Variants in ADAMTS17 observed in about 807,000 individuals in gnomAD.
The protein encoded by ADAMTS17 is ADAM metallopeptidase with thrombospondin type 1 motif 17.
Under a neutral mutation model 141.5 loss-of-function variants are expected in ADAMTS17, and 113 were observed. The observed-to-expected ratio is 0.80, with a 90% CI of 0.69 to 0.93. The LOEUF is 0.93. Ranked by LOEUF, ADAMTS17 falls within the 40% of genes least tolerant of loss-of-function variation. ADAMTS17 has a pLI of 0.00. For missense variants in ADAMTS17, 1,659 were observed against 1,517.9 expected, an observed-to-expected ratio of 1.09 and a Z score of -1.54; for synonymous variants, 768 against 630.6, an observed-to-expected ratio of 1.22 and a Z score of -3.27.
chr15:99,977,370 A>T lies in ADAMTS17; in HGVS notation c.2950-1148T>A, dbSNP rs1567631993. Among the ~76,000 whole-genome samples, 31 of 10,866 alleles carry T rather than the reference A, an allele frequency of 2.9e-3. 3 individuals carry two copies. Among genetic ancestry groups the T allele is most frequent in the African/African-American group, 3.5e-3 (7 of 2,026 alleles). The allele number at this position is 10,866 out of a possible 152,430, so 7.1% of individuals were successfully genotyped here. On this transcript the variant is annotated intron_variant, in intron 20 of 21. Coordinates refer to ENST00000268070, the MANE Select transcript of ADAMTS17 (RefSeq NM_139057.4). The stretch of plus-strand genomic sequence containing the variant: ...TCTTCATATATATATATATATATAT[A>T]TATATATATATATATATATATATAT...
At chr15:100,024,244 C>T (rs1200419066) in intron 18 of ADAMTS17, among the ~76,000 whole-genome samples, 1 of 152,184 alleles carries the variant, frequency 6.6e-6, no homozygotes, top group Non-Finnish European at 1.5e-5. Flanking sequence ...AAGCACATGT[C>T]ACTGTAACTG....
chr15:100,228,559 AG>A (rs1280289479), intron 7 of ADAMTS17, among the ~76,000 whole-genome samples: 13 of 152,210 alleles, frequency 8.5e-5, no homozygotes, highest in Admixed American at 2.0e-4. Flanking sequence ...GAGAGTGAGC[AG>A]GTACATTTAG....
At chr15:100,190,771 C>G (rs2040886900) in intron 8 of ADAMTS17, among the ~76,000 whole-genome samples, 1 of 152,206 alleles carries the variant, frequency 6.6e-6, no homozygotes, top group Non-Finnish European at 1.5e-5. Flanking sequence ...GCCACCTGAG[C>G]ACGAAGGAAA....
At chr15:100,245,604 C>G (rs192099043) in intron 7 of ADAMTS17, among the ~76,000 whole-genome samples, 10 of 152,334 alleles carry the variant, frequency 6.6e-5, no homozygotes, top group Admixed American at 6.5e-4. Context: ...AGACACAACC[C>G]TGGCAGGAAG....
chr15:100,130,404 C>G (rs1228869357), intron 12 of ADAMTS17, among the ~76,000 whole-genome samples: 2 of 152,020 alleles, frequency 1.3e-5, no homozygotes, highest in Non-Finnish European at 2.9e-5. Context: ...GACTAAACAC[C>G]TATGTGCCCC....
At chr15:99,977,999 G>A (rs1488758482) in intron 20 of ADAMTS17, among the ~76,000 whole-genome samples, 1 of 152,208 alleles carries the variant, frequency 6.6e-6, no homozygotes, top group Non-Finnish European at 1.5e-5. Context: ...CACCTGGGGT[G>A]GAGAGAGGGG....
At chr15:100,097,650 T>C (rs1213639763) in intron 14 of ADAMTS17, among the ~76,000 whole-genome samples, 1 of 152,172 alleles carries the variant, frequency 6.6e-6, no homozygotes, top group Non-Finnish European at 1.5e-5. Context: ...ATCGGCCTCA[T>C]GGGGAGGGCT....
chr15:100,044,055 T>A (rs1246215879), intron 18 of ADAMTS17, among the ~76,000 whole-genome samples: 3 of 152,230 alleles, frequency 2.0e-5, no homozygotes, highest in Non-Finnish European at 2.9e-5. Flanking sequence ...CATGGTTCTC[T>A]CTTAGAAGAT....
rs545802614 is a variant in ADAMTS17 at position 100,050,784 on chromosome 15, T to C, written c.2455+788A>G. Among the ~76,000 whole-genome samples the C allele has an allele frequency of 1.9e-4, 29 of 152,296 alleles. No individual in the cohort carries two copies. In the South Asian group the frequency reaches 5.8e-3, roughly 30 times the overall value. ...AGGTCAACCTTCTGTCCCAACTCTT[T>C]GTCCACTAAAATCCACCCACCCTGT... On this transcript the variant is annotated intron_variant, in intron 17 of 21. Coordinates refer to ENST00000268070, the MANE Select transcript of ADAMTS17 (RefSeq NM_139057.4).
At chr15:100,218,458 G>A (rs943998942) in intron 7 of ADAMTS17, among the ~76,000 whole-genome samples, 5 of 152,186 alleles carry the variant, frequency 3.3e-5, no homozygotes, top group Non-Finnish European at 7.3e-5. Context: ...AGAAATATGT[G>A]TGGTCAATAA....
chr15:100,116,958 C>G lies in ADAMTS17; in HGVS notation c.1777G>C (p.Glu593Gln), dbSNP rs202233487. The G allele has an allele frequency of 1.2e-6, 2 of 1,613,818 alleles. No homozygotes were observed. The highest frequency in any genetic ancestry group is 8.5e-7 in the Non-Finnish European group (1 of 1,180,000). Residue 593 changes from glutamate (E) to glutamine (Q), a missense_variant, in exon 13 of 22, where the codon GAG becomes CAG. By Grantham distance (29) the Glu-to-Gln change is conservative. Coordinates refer to ENST00000268070, the MANE Select transcript of ADAMTS17 (RefSeq NM_139057.4). Reference sequence around the variant, plus strand: ...AGACCCTTGGGGCAGGGCAGGTTCTCGCAGACCGCATGTTCTACACTGGCA... The same window carrying G: ...AGACCCTTGGGGCAGGGCAGGTTCTGGCAGACCGCATGTTCTACACTGGCA... ...PGASVEHAVC[E>Q]NLPCPKGLPS...
At chr15:100,108,516 G>A (rs2036544907) in intron 14 of ADAMTS17, among the ~76,000 whole-genome samples, 1 of 152,118 alleles carries the variant, frequency 6.6e-6, no homozygotes, top group African/African-American at 2.4e-5. Flanking sequence ...GTTCTAACCA[G>A]TCATGGCCAT....
At chr15:100,207,526 C>T (rs1021403884) in intron 7 of ADAMTS17, among the ~76,000 whole-genome samples, 1 of 152,196 alleles carries the variant, frequency 6.6e-6, no homozygotes, top group Non-Finnish European at 1.5e-5. Flanking sequence ...ACTGCAGCCA[C>T]CTAATGCGCC....
At chr15:100,154,508 C>T (rs1269976909) in intron 9 of ADAMTS17, among the ~76,000 whole-genome samples, 1 of 152,152 alleles carries the variant, frequency 6.6e-6, no homozygotes, top group Admixed American at 6.5e-5. Context: ...TCCCAGGGTG[C>T]ATGAATTCAC....
intron 15 of ADAMTS17, among the ~76,000 whole-genome samples, chr15:100,085,833 G>A (rs1265294770): frequency 1.3e-5 from 2 of 151,968 alleles, no homozygotes; most frequent in Non-Finnish European, 2.9e-5. Flanking sequence ...CCCTACAAGA[G>A]CTCTTGAAGG....
At chr15:100,080,457 A>T (rs1237781287) in intron 15 of ADAMTS17, among the ~76,000 whole-genome samples, 1 of 152,190 alleles carries the variant, frequency 6.6e-6, no homozygotes, top group Non-Finnish European at 1.5e-5. Flanking sequence ...ATGCCCTGTG[A>T]CTAAGGTCAA....
chr15:100,312,269 T>C (rs1375258193), intron 3 of ADAMTS17, among the ~76,000 whole-genome samples: 1 of 152,180 alleles, frequency 6.6e-6, no homozygotes, highest in Admixed American at 6.5e-5. Flanking sequence ...CAGAAGAGAA[T>C]TGTCAGAGTG....
intron 15 of ADAMTS17, among the ~76,000 whole-genome samples, chr15:100,059,396 C>G (rs1468631050): frequency 6.6e-6 from 1 of 151,960 alleles, no homozygotes; most frequent in South Asian, 2.1e-4. Context: ...GTGTATCTCC[C>G]GGGGAGAGGA....
chr15:99,973,434 G>C lies in ADAMTS17; in HGVS notation c.*968C>G, dbSNP rs2060253060. 1 of 152,224 alleles carries C rather than the reference G, an allele frequency of 6.6e-6. No individual in the cohort carries two copies. Among genetic ancestry groups the C allele is most frequent in the South Asian group, 2.1e-4 (1 of 4,824 alleles). 9.4% of individuals were successfully genotyped at this position (152,224 alleles called of 1,614,324 possible). On this transcript the variant is annotated 3_prime_UTR_variant, in exon 22 of 22. Transcript: ENST00000268070. ...ATGTCGTCTTACCTTCAGATAAATGGCCACGGTCGGTAGAAAGCCACTGGG... is the reference window on the plus strand; with the variant it reads ...ATGTCGTCTTACCTTCAGATAAATGCCCACGGTCGGTAGAAAGCCACTGGG...
Sources: gnomAD v4.1 joint callset for allele counts (sites outside exome capture counted in the v4.1 genomes callset) on GRCh38, gnomAD v4.1.1 for gene constraint, MANE v1.5 for transcripts, NCBI Gene and HGNC (gene_info 2026-07-23, HGNC 2026-07-21) for gene names.